Variants in IL1RAPL1 observed in about 807,000 individuals in gnomAD.
IL1RAPL1 encodes the protein interleukin 1 receptor accessory protein like 1.
Under a neutral mutation model 48.4 loss-of-function variants are expected in IL1RAPL1, and 3 were observed. The ratio of observed to expected loss-of-function variants is 0.06; its 90% CI spans 0.03 to 0.16. IL1RAPL1 has a LOEUF of 0.16. Among genes scored for constraint, IL1RAPL1 ranks in the 10% least tolerant of loss-of-function variants. The pLI is 1.00. For missense variants in IL1RAPL1, 349 were observed against 530.6 expected, an observed-to-expected ratio of 0.66 and a Z score of 3.36; for synonymous variants, 185 against 187.7, an observed-to-expected ratio of 0.99 and a Z score of 0.12.
At chrX:29,181,306 A>G (rs964792074) in intron 2 of IL1RAPL1, among the ~76,000 whole-genome samples, 52 of 111,881 alleles carry the variant, frequency 4.6e-4, no homozygotes, top group African/African-American at 1.6e-3. Context: ...ATTTAATACT[A>G]TATTCTCACT....
At chrX:28,688,710 C>T (rs1161047708) in intron 1 of IL1RAPL1, among the ~76,000 whole-genome samples, 1 of 111,540 alleles carries the variant, frequency 9.0e-6, no homozygotes, top group Non-Finnish European at 1.9e-5. Flanking sequence ...ATGAGTGCTG[C>T]CATTTCCCTT....
In IL1RAPL1 at chrX:29,440,875, C is replaced by T. The variant is rs1025338666; in HGVS notation, c.703+41567C>T. On this transcript the variant is annotated intron_variant, in intron 5 of 10. Coordinates refer to ENST00000378993, the MANE Select transcript of IL1RAPL1 (RefSeq NM_014271.4). The stretch of plus-strand genomic sequence containing the variant: ...TATTACTTGTTTCTTCTAATTTTCT[C>T]TCCCTTATTGACTTCTCATTTCTGG... Among the ~76,000 whole-genome samples the T allele has an allele frequency of 4.5e-5, 5 of 111,589 alleles. No individual in the cohort carries two copies. The East Asian group carries it at 1.4e-3, about 31-fold the overall frequency.
intron 6 of IL1RAPL1, among the ~76,000 whole-genome samples, chrX:29,833,349 A>AT (rs201915888): frequency 2.7e-5 from 3 of 109,110 alleles, no homozygotes; most frequent in African/African-American, 1.0e-4. Flanking sequence ...TTTAGTATGT[A>AT]TTTTTTTTTA....
At chrX:29,531,775 A>G (rs1051910718) in intron 5 of IL1RAPL1, among the ~76,000 whole-genome samples, 4 of 112,047 alleles carry the variant, frequency 3.6e-5, no homozygotes, top group Admixed American at 1.9e-4. Flanking sequence ...GGTGGTTGCC[A>G]GCAGTCCTTC....
intron 1 of IL1RAPL1, among the ~76,000 whole-genome samples, chrX:28,668,479 C>T (rs1485230856): frequency 3.5e-5 from 4 of 112,925 alleles, no homozygotes; most frequent in South Asian, 3.6e-4. Context: ...AGGCTTGTCT[C>T]GAACTCCTGA....
chrX:29,206,880 C>G (rs1264245379), intron 2 of IL1RAPL1, among the ~76,000 whole-genome samples: 2 of 111,637 alleles, frequency 1.8e-5, no homozygotes, highest in Admixed American at 1.9e-4. Context: ...CCATACAGTT[C>G]TGGAAACTTT....
intron 6 of IL1RAPL1, among the ~76,000 whole-genome samples, chrX:29,859,968 A>G (rs1601855122): frequency 8.9e-6 from 1 of 112,417 alleles, no homozygotes; most frequent in Non-Finnish European, 1.9e-5. Flanking sequence ...TGAGGACTGA[A>G]AAACAATTCA....
At chrX:28,668,978 G>A (rs779861963) in intron 1 of IL1RAPL1, among the ~76,000 whole-genome samples, 1 of 111,765 alleles carries the variant, frequency 8.9e-6, no homozygotes, top group African/African-American at 3.3e-5. Context: ...CAGTGGTTAA[G>A]AGGATTAAAT....
At chrX:29,789,566 CTT>C (rs1929581780) in intron 6 of IL1RAPL1, among the ~76,000 whole-genome samples, 1 of 111,440 alleles carries the variant, frequency 9.0e-6, no homozygotes, top group Non-Finnish European at 1.9e-5. Flanking sequence ...TGATCAGTAA[CTT>C]TGGAAAAATT....
At chrX:29,113,271 G>T (rs778776666) in intron 2 of IL1RAPL1, among the ~76,000 whole-genome samples, 3 of 112,091 alleles carry the variant, frequency 2.7e-5, no homozygotes, top group African/African-American at 9.7e-5. Context: ...TCTATCTACA[G>T]TGTGGGATAA....
At chrX:29,609,558 A>G (rs763367453) in intron 5 of IL1RAPL1, among the ~76,000 whole-genome samples, 47 of 111,827 alleles carry the variant, frequency 4.2e-4, no homozygotes, top group East Asian at 1.7e-3. Context: ...CTAGCCTTCA[A>G]TGATCATCAG....
chrX:29,299,879 T>A (rs1932505868), intron 3 of IL1RAPL1, among the ~76,000 whole-genome samples: 1 of 112,205 alleles, frequency 8.9e-6, no homozygotes, highest in Non-Finnish European at 1.9e-5. Context: ...GTTTGAGTAA[T>A]GCGGGTGTGT....
intron 2 of IL1RAPL1, among the ~76,000 whole-genome samples, chrX:28,808,716 A>T (rs73630094): frequency 0.024 from 2,631 of 111,008 alleles, 65 homozygotes; most frequent in African/African-American, 0.08. Context: ...ATTCATTGCC[A>T]GCTTATAAAT....
chrX:28,677,675 C>T (rs968589763), intron 1 of IL1RAPL1, among the ~76,000 whole-genome samples: 8 of 110,473 alleles, frequency 7.2e-5, no homozygotes, highest in Admixed American at 6.7e-4. Context: ...GTATCCTCTG[C>T]CTCCTGGATT....
intron 2 of IL1RAPL1, among the ~76,000 whole-genome samples, chrX:29,100,874 T>G (rs1478614836): frequency 8.9e-6 from 1 of 111,967 alleles, no homozygotes; most frequent in African/African-American, 3.2e-5. Flanking sequence ...AATTAAACAC[T>G]CAATAAATAG....
At chrX:29,195,687 G>C (rs2147530113) in intron 2 of IL1RAPL1, among the ~76,000 whole-genome samples, 1 of 107,157 alleles carries the variant, frequency 9.3e-6, no homozygotes, top group South Asian at 4.3e-4. Context: ...AGCCTCCCAA[G>C]TAGCTGGGAT....
At chrX:29,391,736 A>G (rs1012988008) in intron 3 of IL1RAPL1, among the ~76,000 whole-genome samples, 3 of 111,815 alleles carry the variant, frequency 2.7e-5, no homozygotes, top group Non-Finnish European at 3.8e-5. Context: ...TGGTATGTCT[A>G]TATCTATATC....
At chrX:29,099,628 G>T (rs73210051) in intron 2 of IL1RAPL1, among the ~76,000 whole-genome samples, 25,503 of 110,664 alleles carry the variant, frequency 0.23, 2,770 homozygotes, top group African/African-American at 0.42. Context: ...TATTACCTCC[G>T]TTAGTCGATA....
intron 5 of IL1RAPL1, among the ~76,000 whole-genome samples, chrX:29,409,104 T>C (rs1934109536): frequency 8.9e-6 from 1 of 111,963 alleles, no homozygotes; most frequent in African/African-American, 3.2e-5. Flanking sequence ...AAAAACTGTT[T>C]TTGTTAAATT....
Sources: gnomAD v4.1 joint callset for allele counts (sites outside exome capture counted in the v4.1 genomes callset) on GRCh38, gnomAD v4.1.1 for gene constraint, MANE v1.5 for transcripts, NCBI Gene and HGNC (gene_info 2026-07-23, HGNC 2026-07-21) for gene names.